The following CFAP210 variants were observed in gnomAD, a reference collection of about 807,000 sequenced individuals.
The protein encoded by CFAP210 is cilia and flagella associated protein 210.
chr2:169,681,666 C>A, the CFAP210 span, among the ~76,000 whole-genome samples: 2 of 152,236 alleles, frequency 1.3e-5, no homozygotes, highest in African/African-American at 4.8e-5. Context: ...CCTCTTCCCA[C>A]TGAGCAGCAG....
the CFAP210 span, among the ~76,000 whole-genome samples, chr2:169,683,613 T>C: frequency 6.6e-6 from 1 of 152,216 alleles, no homozygotes; most frequent in African/African-American, 2.4e-5. Flanking sequence ...GTATAGCACA[T>C]GGCCTATTCT....
the CFAP210 span, among the ~76,000 whole-genome samples, chr2:169,671,059 C>G: frequency 6.6e-6 from 1 of 152,110 alleles, no homozygotes; most frequent in African/African-American, 2.4e-5. Flanking sequence ...CGGTCTCTGC[C>G]CAAAGAAGAC....
the CFAP210 span, among the ~76,000 whole-genome samples, chr2:169,649,734 C>A: frequency 6.6e-6 from 1 of 152,050 alleles, no homozygotes; most frequent in African/African-American, 2.4e-5. Flanking sequence ...GAGTTCGAGA[C>A]CAGCCTGACC....
At chr2:169,646,759 A>G in the CFAP210 span, among the ~76,000 whole-genome samples, 2 of 152,206 alleles carry the variant, frequency 1.3e-5, no homozygotes, top group Non-Finnish European at 1.5e-5. Flanking sequence ...CCAAAAGCCA[A>G]TTTACCAATA....
the CFAP210 span, chr2:169,661,249 C>T: frequency 3.6e-6 from 2 of 562,538 alleles, no homozygotes; most frequent in Non-Finnish European, 7.1e-6. Context: ...ATGGTCATCT[C>T]CTCTGTATGA....
chr2:169,678,808 G>C, the CFAP210 span, among the ~76,000 whole-genome samples: 9 of 152,108 alleles, frequency 5.9e-5, no homozygotes, highest in South Asian at 1.5e-3. Flanking sequence ...CTAGGCGACA[G>C]AGTGAGACTC....
At chr2:169,693,812 A>G in the CFAP210 span, among the ~76,000 whole-genome samples, 2 of 152,204 alleles carry the variant, frequency 1.3e-5, no homozygotes, top group Admixed American at 6.5e-5. Flanking sequence ...GACTTTTAGT[A>G]AAGACCAATC....
chr2:169,677,560 G>C, the CFAP210 span, among the ~76,000 whole-genome samples: 1 of 152,134 alleles, frequency 6.6e-6, no homozygotes, highest in South Asian at 2.1e-4. Context: ...GATATAGAAG[G>C]CAACTTCAAC....
At chr2:169,646,141 T>C in the CFAP210 span, 6 of 1,613,298 alleles carry the variant, frequency 3.7e-6, no homozygotes, top group Admixed American at 1.7e-5. Flanking sequence ...AATAATCTAA[T>C]TCTGCTTGTT....
the CFAP210 span, among the ~76,000 whole-genome samples, chr2:169,652,155 T>G: frequency 6.6e-6 from 1 of 152,154 alleles, no homozygotes; most frequent in African/African-American, 2.4e-5. Context: ...CAAAGCAGCA[T>G]GTGAGAAATG....
the CFAP210 span, among the ~76,000 whole-genome samples, chr2:169,691,276 T>A: frequency 1.1e-4 from 16 of 152,356 alleles, no homozygotes; most frequent in East Asian, 5.8e-4. Context: ...ATAATTTTTT[T>A]AAATATTCAT....
chr2:169,691,039 A>G, the CFAP210 span, among the ~76,000 whole-genome samples: 1 of 152,054 alleles, frequency 6.6e-6, no homozygotes, highest in Non-Finnish European at 1.5e-5. Context: ...TTATGTTGGC[A>G]TATTTGCTGG....
the CFAP210 span, chr2:169,674,740 T>C: frequency 6.3e-7 from 1 of 1,590,000 alleles, no homozygotes. Flanking sequence ...CATCACGTTC[T>C]TTCATAACTC....
At chr2:169,689,385 T>C in the CFAP210 span, among the ~76,000 whole-genome samples, 2 of 152,258 alleles carry the variant, frequency 1.3e-5, no homozygotes, top group Non-Finnish European at 2.9e-5. Context: ...ATTTTGGTGC[T>C]ATTGTAAATG....
At chr2:169,681,224 T>C in the CFAP210 span, 1 of 1,602,624 alleles carries the variant, frequency 6.2e-7, no homozygotes, top group East Asian at 2.2e-5. Context: ...TTCTTCAGAG[T>C]TTCTTATTTC....
chr2:169,684,597 G>A, the CFAP210 span, among the ~76,000 whole-genome samples: 2 of 152,152 alleles, frequency 1.3e-5, no homozygotes, highest in Non-Finnish European at 2.9e-5. Context: ...CTCAAATAAT[G>A]TTTTCAAGGT....
the CFAP210 span, among the ~76,000 whole-genome samples, chr2:169,671,054 T>G: frequency 0.27 from 40,877 of 152,154 alleles, 5,727 homozygotes; most frequent in Non-Finnish European, 0.31. Context: ...AAATACGGTC[T>G]CTGCCCAAAG....
the CFAP210 span, among the ~76,000 whole-genome samples, chr2:169,662,952 C>G: frequency 6.6e-6 from 1 of 152,252 alleles, no homozygotes; most frequent in Non-Finnish European, 1.5e-5. Flanking sequence ...CCCTGGCTAT[C>G]TTTCAGAACA....
At chr2:169,680,355 A>G in the CFAP210 span, among the ~76,000 whole-genome samples, 1 of 152,254 alleles carries the variant, frequency 6.6e-6, no homozygotes. Flanking sequence ...AGTTTCTTAC[A>G]AAGTTAAATA....
Sources: allele counts gnomAD v4.1 joint callset (sites outside exome capture counted in the v4.1 genomes callset), GRCh38; gene constraint gnomAD v4.1.1; transcripts MANE v1.5; gene names NCBI Gene and HGNC (gene_info 2026-07-23, HGNC 2026-07-21).